Variants in PLGRKT observed in about 807,000 individuals in gnomAD.
PLGRKT encodes plasminogen receptor (KT).
A neutral mutation model predicts 18.5 loss-of-function variants in PLGRKT; 22 were observed. That is an observed-to-expected ratio of 1.19 (90% CI 0.85 to 1.70). The LOEUF is 1.70. Ranked by LOEUF, PLGRKT falls within the 40% of genes most tolerant of loss-of-function variation. The pLI, the probability that PLGRKT is intolerant of heterozygous loss-of-function variation, is 0.00. For missense variants in PLGRKT, 235 were observed against 174.4 expected, an observed-to-expected ratio of 1.35 and a Z score of -1.96; for synonymous variants, 72 against 52.8, an observed-to-expected ratio of 1.36 and a Z score of -1.58.
chr9:5,369,966 C>T (rs778281353), intron 3 of PLGRKT, among the ~76,000 whole-genome samples: 15 of 152,114 alleles, frequency 9.9e-5, no homozygotes, highest in Non-Finnish European at 1.6e-4. Flanking sequence ...GGAGGGATAG[C>T]GTTAGGAGAA....
chr9:5,386,572 G>C (rs1253260501), intron 3 of PLGRKT, among the ~76,000 whole-genome samples: 1 of 151,826 alleles, frequency 6.6e-6, no homozygotes, highest in African/African-American at 2.4e-5. Flanking sequence ...CTCAATTAAA[G>C]AGGCCATATA....
intron 3 of PLGRKT, among the ~76,000 whole-genome samples, chr9:5,395,640 C>G (rs1168134750): frequency 6.6e-6 from 1 of 151,892 alleles, no homozygotes; most frequent in Non-Finnish European, 1.5e-5. Context: ...ATAATGATCT[C>G]TATTCACTAC....
intron 3 of PLGRKT, among the ~76,000 whole-genome samples, chr9:5,403,215 T>C (rs1332289850): frequency 2.1e-5 from 3 of 140,648 alleles, no homozygotes. Flanking sequence ...TGCTAAATGA[T>C]TCTTTTTTCT....
chr9:5,398,082 T>G (rs1179324610), intron 3 of PLGRKT, among the ~76,000 whole-genome samples: 1 of 151,754 alleles, frequency 6.6e-6, no homozygotes, highest in South Asian at 2.1e-4. Context: ...AGGATATCAG[T>G]GGATGGACAG....
At position 5,407,652 on chromosome 9, in the gene PLGRKT, C is replaced by CAA. The variant is rs995501858; in HGVS notation, c.81+24243_81+24244dup. ...TCTAATGTTGTTCTTACAAATTTTT[C>CAA]AAAAAAAAAAAAATTCTGAAGCATT... On this transcript the variant is annotated intron_variant, in intron 3 of 5. Coordinates refer to ENST00000223864, the MANE Select transcript of PLGRKT (RefSeq NM_018465.4). 8.5e-3 allele frequency among the ~76,000 whole-genome samples: 1,208 copies of CAA among 141,810 alleles called. 17 individuals are homozygous for CAA. The highest frequency in any genetic ancestry group is 0.03 in the African/African-American group (1,168 of 39,042). The allele number at this position is 141,810 out of a possible 152,430, so 93.0% of individuals were successfully genotyped here.
At chr9:5,388,332 C>G (rs1817884339) in intron 3 of PLGRKT, among the ~76,000 whole-genome samples, 1 of 151,896 alleles carries the variant, frequency 6.6e-6, no homozygotes, top group South Asian at 2.1e-4. Flanking sequence ...TCAAAAGTTG[C>G]TGAGAAATTG....
chr9:5,402,956 T>A (rs1327645327), intron 3 of PLGRKT, among the ~76,000 whole-genome samples: 2 of 151,872 alleles, frequency 1.3e-5, no homozygotes, highest in Non-Finnish European at 1.5e-5. Context: ...CAAGGGGCAT[T>A]AAAAACGTAA....
intron 3 of PLGRKT, among the ~76,000 whole-genome samples, chr9:5,394,320 G>A (rs989567485): frequency 6.6e-6 from 1 of 151,848 alleles, no homozygotes; most frequent in Non-Finnish European, 1.5e-5. Flanking sequence ...AAAGAACAAG[G>A]TAAATGGCTC....
At chr9:5,408,133 A>T (rs1297395801) in intron 3 of PLGRKT, among the ~76,000 whole-genome samples, 1 of 152,252 alleles carries the variant, frequency 6.6e-6, no homozygotes, top group Non-Finnish European at 1.5e-5. Flanking sequence ...AAATCATATT[A>T]TCTTGTTCAC....
At chr9:5,405,151 A>G (rs966925396) in intron 3 of PLGRKT, among the ~76,000 whole-genome samples, 3 of 152,238 alleles carry the variant, frequency 2.0e-5, no homozygotes, top group African/African-American at 7.2e-5. Context: ...ATGGATAGGA[A>G]GAATCAATAT....
intron 3 of PLGRKT, among the ~76,000 whole-genome samples, chr9:5,420,475 AC>A (rs2131159121): frequency 6.6e-6 from 1 of 152,304 alleles, no homozygotes; most frequent in East Asian, 1.9e-4. Context: ...TGGGGAGACT[AC>A]GGCAGGTAGT....
intron 3 of PLGRKT, among the ~76,000 whole-genome samples, chr9:5,378,742 G>A (rs1817680252): frequency 6.6e-6 from 1 of 152,024 alleles, no homozygotes; most frequent in Non-Finnish European, 1.5e-5. Context: ...AAGCAAAACT[G>A]TTGGGAATAC....
At chr9:5,410,109 C>A (rs894365562) in intron 3 of PLGRKT, among the ~76,000 whole-genome samples, 1 of 152,064 alleles carries the variant, frequency 6.6e-6, no homozygotes, top group Non-Finnish European at 1.5e-5. Context: ...CTATTACTGG[C>A]CTTAATTGTA....
intron 2 of PLGRKT, among the ~76,000 whole-genome samples, chr9:5,432,230 C>T (rs1256006628): frequency 6.6e-6 from 1 of 152,156 alleles, no homozygotes. Context: ...TTCCAAAATC[C>T]TTCCCTGCTC....
At chr9:5,364,451 C>G (rs1817338716) in intron 3 of PLGRKT, among the ~76,000 whole-genome samples, 1 of 152,094 alleles carries the variant, frequency 6.6e-6, no homozygotes, top group Non-Finnish European at 1.5e-5. Flanking sequence ...CTGCATTTGT[C>G]AAAACTCATA....
At chr9:5,429,476 T>C (rs1473776828) in intron 3 of PLGRKT, among the ~76,000 whole-genome samples, 1 of 152,218 alleles carries the variant, frequency 6.6e-6, no homozygotes, top group African/African-American at 2.4e-5. Context: ...AAAATCAAGG[T>C]GTCTGCAAGG....
At chr9:5,424,950 T>C (rs1165952881) in intron 3 of PLGRKT, among the ~76,000 whole-genome samples, 1 of 152,046 alleles carries the variant, frequency 6.6e-6, no homozygotes, top group African/African-American at 2.4e-5. Flanking sequence ...TTTTGGTTTA[T>C]AGCTATGCCT....
At chr9:5,404,146 C>T (rs1182289336) in intron 3 of PLGRKT, among the ~76,000 whole-genome samples, 1 of 152,104 alleles carries the variant, frequency 6.6e-6, no homozygotes, top group Non-Finnish European at 1.5e-5. Flanking sequence ...GCCTACCAAC[C>T]AAAAACAGCC....
intron 3 of PLGRKT, among the ~76,000 whole-genome samples, chr9:5,410,015 T>A (rs1220372063): frequency 6.6e-6 from 1 of 152,182 alleles, no homozygotes; most frequent in Non-Finnish European, 1.5e-5. Context: ...AAACCAAGCA[T>A]ATAAGATGAT....
Sources: gnomAD v4.1 joint callset for allele counts (sites outside exome capture counted in the v4.1 genomes callset) on GRCh38, gnomAD v4.1.1 for gene constraint, MANE v1.5 for transcripts, NCBI Gene and HGNC (gene_info 2026-07-23, HGNC 2026-07-21) for gene names.